Variants in DARS1 observed in about 807,000 individuals in gnomAD.
DARS1 encodes aspartate--tRNA ligase, cytoplasmic.
A neutral mutation model predicts 68.8 loss-of-function variants in DARS1; 51 were observed. That is an observed-to-expected ratio of 0.74 (90% CI 0.59 to 0.94). The LOEUF (loss-of-function observed/expected upper bound fraction) is 0.94. Among genes scored for constraint, DARS1 ranks in the 40% least tolerant of loss-of-function variants. The pLI, the probability that DARS1 is intolerant of heterozygous loss-of-function variation, is 0.00. For synonymous variants in DARS1, 203 were observed against 190.4 expected, an observed-to-expected ratio of 1.07 and a Z score of -0.55; for missense variants, 607 against 597.3, an observed-to-expected ratio of 1.02 and a Z score of -0.17.
At chr2:135,968,525 T>C (rs1246623025) in intron 3 of DARS1, among the ~76,000 whole-genome samples, 2 of 152,044 alleles carry the variant, frequency 1.3e-5, no homozygotes, top group South Asian at 4.2e-4. Context: ...AAAAGCTGAG[T>C]GTGCTAGTTT....
chr2:135,924,279 C>T (rs912589202), intron 8 of DARS1, 108 bp downstream of exon 8: 7 of 1,260,466 alleles, frequency 5.6e-6, no homozygotes, highest in Non-Finnish European at 6.3e-6. Flanking sequence ...TGGCAATAAA[C>T]CTTAATGGAC....
Position 135,943,412 on chromosome 2 carries a change from C to G in DARS1, c.389G>C (p.Cys130Ser), listed in dbSNP as rs1060499772. 6.2e-7 allele frequency: 1 copy of G among 1,613,668 alleles called. No homozygotes were observed. Among genetic ancestry groups the G allele is most frequent in the Non-Finnish European group, 8.5e-7 (1 of 1,179,818 alleles). The change falls in exon 5 of 16, where the codon TGT (cysteine) becomes TCT (serine). Residue 130 changes from cysteine (C) to serine (S), a missense_variant. Transcript: ENST00000264161. ...VRKVNQKIGS[C>S]TQQDVELHVQ... ...ATGTAACTCAACGTCTTGCTGTGTACAGCTTCCAATTTTCTGATTCACTTT... is the reference window on the plus strand; with the variant it reads ...ATGTAACTCAACGTCTTGCTGTGTAGAGCTTCCAATTTTCTGATTCACTTT...
chr2:135,984,829 T>C (rs563659624), intron 1 of DARS1, among the ~76,000 whole-genome samples: 2 of 152,218 alleles, frequency 1.3e-5, no homozygotes, highest in Admixed American at 1.3e-4. Flanking sequence ...TCCACGTGAT[T>C]TGGGGTCACT....
At chr2:135,949,743 C>T (rs1681802862) in intron 4 of DARS1, among the ~76,000 whole-genome samples, 1 of 152,150 alleles carries the variant, frequency 6.6e-6, no homozygotes, top group African/African-American at 2.4e-5. Flanking sequence ...AGTCCTGTGG[C>T]ACTTAAATCC....
rs199939373 is a variant in DARS1, at chr2:135,985,465, G to C, written c.4C>G (p.Pro2Ala). The change falls in exon 1 of 16, where the codon CCC becomes GCC. Residue 2 changes from proline to alanine, a missense_variant. Transcript: ENST00000264161. M[P>A]SASASRKSQE... Reference sequence around the variant, plus strand: ...CTCTTGCGGCTGGCGCTGGCGCTGGGCATCGGGACACGGAACTGGGCAGTG... The same window carrying C: ...CTCTTGCGGCTGGCGCTGGCGCTGGCCATCGGGACACGGAACTGGGCAGTG... 2 of 1,613,804 alleles carry C rather than the reference G, an allele frequency of 1.2e-6. No individual in the cohort carries two copies. Among genetic ancestry groups the C allele is most frequent in the Non-Finnish European group, 1.7e-6 (2 of 1,179,908 alleles).
At chr2:135,931,422 A>C (rs1681345984) in intron 7 of DARS1, among the ~76,000 whole-genome samples, 1 of 152,016 alleles carries the variant, frequency 6.6e-6, no homozygotes, top group African/African-American at 2.4e-5. Context: ...TTTTTTAAGG[A>C]GACAGGGGTC....
chr2:135,983,174 T>A (rs1682676321), intron 2 of DARS1, among the ~76,000 whole-genome samples: 1 of 152,218 alleles, frequency 6.6e-6, no homozygotes, highest in Admixed American at 6.5e-5. Context: ...ACATACCATT[T>A]AACCTACAAT....
intron 4 of DARS1, among the ~76,000 whole-genome samples, chr2:135,944,173 T>C (rs964432688): frequency 7.2e-5 from 11 of 152,206 alleles, no homozygotes; most frequent in African/African-American, 2.2e-4. Context: ...TAAAGTAGCT[T>C]ATTAAACACA....
chr2:135,956,984 T>C (rs1156330028), intron 4 of DARS1, among the ~76,000 whole-genome samples: 2 of 151,900 alleles, frequency 1.3e-5, no homozygotes, highest in Non-Finnish European at 1.5e-5. Context: ...AGGTTGGTCT[T>C]GAACTCCTGA....
At chr2:135,925,562 A>G (rs1440473390) in intron 7 of DARS1, among the ~76,000 whole-genome samples, 2 of 152,216 alleles carry the variant, frequency 1.3e-5, no homozygotes, top group African/African-American at 4.8e-5. Context: ...AGATCAGATA[A>G]AAACATTCAT....
intron 3 of DARS1, among the ~76,000 whole-genome samples, chr2:135,964,145 A>G (rs1272690693): frequency 6.6e-6 from 1 of 152,218 alleles, no homozygotes; most frequent in African/African-American, 2.4e-5. Flanking sequence ...TACATGAGGA[A>G]AAAGTGATAA....
intron 7 of DARS1, among the ~76,000 whole-genome samples, chr2:135,929,304 A>T (rs141241766): frequency 6.6e-6 from 1 of 152,256 alleles, no homozygotes; most frequent in East Asian, 1.9e-4. Context: ...GGCAGCCCCG[A>T]GTCCCCAATT....
At chr2:135,929,359 T>G (rs762312392) in intron 7 of DARS1, among the ~76,000 whole-genome samples, 2 of 152,194 alleles carry the variant, frequency 1.3e-5, no homozygotes, top group Non-Finnish European at 2.9e-5. Context: ...AAACTTGTCT[T>G]TTGCCTTCTA....
At chr2:135,925,667 G>A (rs1681198344) in intron 7 of DARS1, among the ~76,000 whole-genome samples, 1 of 151,980 alleles carries the variant, frequency 6.6e-6, no homozygotes, top group Non-Finnish European at 1.5e-5. Context: ...CATTTCAAAG[G>A]TCTTTATAAT....
chr2:135,931,501 G>C (rs1455270100), intron 7 of DARS1, among the ~76,000 whole-genome samples: 1 of 152,304 alleles, frequency 6.6e-6, no homozygotes, highest in Admixed American at 6.5e-5. Flanking sequence ...GGCTCCCAAA[G>C]TGTTGGGATT....
chr2:135,982,333 A>G (rs1183387498), intron 2 of DARS1, among the ~76,000 whole-genome samples: 1 of 152,076 alleles, frequency 6.6e-6, no homozygotes, highest in East Asian at 1.9e-4. Flanking sequence ...GGTGGCTCAC[A>G]CCTGTAATCC....
Position 135,916,317 on chromosome 2 carries a change from A to C in DARS1, c.1015T>G (p.Phe339Val). The C allele has an allele frequency of 6.6e-7, 1 of 1,526,528 alleles. No homozygotes were observed. Among genetic ancestry groups the C allele is most frequent in the Non-Finnish European group, 9.1e-7 (1 of 1,100,052 alleles). The allele number at this position is 1,526,528 out of a possible 1,614,324, so 94.6% of individuals were successfully genotyped here. A position where few individuals can be genotyped will look rare whatever the true frequency, so the allele number is the denominator to read the frequency against. ...TCTAGTCTTAGAGTTGGCTCCAAAA[A>C]TTTGAATGGCTCACATGGGAACTGT... ...NKQFPCEPFK[F>V]LEPTLRLEYC... The change falls in exon 11 of 16, where the codon TTT (phenylalanine) becomes GTT (valine). Residue 339 changes from phenylalanine (F) to valine (V), a missense_variant. Coordinates refer to ENST00000264161, the MANE Select transcript of DARS1 (RefSeq NM_001349.4).
intron 9 of DARS1, among the ~76,000 whole-genome samples, chr2:135,921,599 G>C (rs1157561970): frequency 6.6e-6 from 1 of 152,130 alleles, no homozygotes; most frequent in Non-Finnish European, 1.5e-5. Context: ...AAAATTATTT[G>C]ATTATTCCCT....
intron 5 of DARS1, among the ~76,000 whole-genome samples, chr2:135,941,420 A>G (rs1681593681): frequency 6.6e-6 from 1 of 152,200 alleles, no homozygotes; most frequent in South Asian, 2.1e-4. Flanking sequence ...AGGATTCCCT[A>G]TTTAATAAAT....
Sources: allele counts gnomAD v4.1 joint callset (sites outside exome capture counted in the v4.1 genomes callset), GRCh38; gene constraint gnomAD v4.1.1; transcripts MANE v1.5; gene names NCBI Gene and HGNC (gene_info 2026-07-23, HGNC 2026-07-21).